GRIA3: variants seen among roughly 807,000 people sequenced by gnomAD.
GRIA3 encodes the protein glutamate receptor 3.
Under a neutral mutation model 63.0 loss-of-function variants are expected in GRIA3, and 3 were observed. The observed-to-expected ratio is 0.05, with a 90% CI of 0.02 to 0.12. The LOEUF is 0.12. Among genes scored for constraint, GRIA3 ranks in the 10% least tolerant of loss-of-function variants. The pLI is 1.00. For synonymous variants in GRIA3, 274 were observed against 257.9 expected (o/e 1.06, Z -0.60); for missense variants, 347 against 700.9 (o/e 0.50, Z 5.70).
chrX:123,409,052 C>A (rs1237258831), intron 10 of GRIA3, among the ~76,000 whole-genome samples: 1 of 111,486 alleles, frequency 9.0e-6, no homozygotes, highest in Non-Finnish European at 1.9e-5. Flanking sequence ...TTCTGGCAGG[C>A]CTGGCCTCTT....
intron 11 of GRIA3, among the ~76,000 whole-genome samples, chrX:123,421,138 T>G (rs1050960271): frequency 8.9e-6 from 1 of 111,966 alleles, no homozygotes; most frequent in African/African-American, 3.2e-5. Flanking sequence ...CAAATATTAT[T>G]CTTACTATAC....
rs1169204807 is a variant in GRIA3 at position 123,326,153 on chromosome X, G to A, written c.636G>A (p.Arg212=). ...FRRIIEEMDR[R]QEKRYLIDCE... ...GCATCATTGAAGAAATGGACAGGAG[G>A]CAGGAAAAGCGATACTTGATTGACT... Residue 212 remains arginine (R), a synonymous_variant, in exon 4 of 16, where the codon AGG becomes AGA. Transcript: ENST00000620443. The A allele has an allele frequency of 1.7e-6, 2 of 1,209,763 alleles. No homozygotes were observed. The highest frequency in any genetic ancestry group is 1.8e-5 in the South Asian group (1 of 56,935).
intron 2 of GRIA3, among the ~76,000 whole-genome samples, chrX:123,211,400 AAT>A (rs769798367): frequency 2.4e-4 from 27 of 111,650 alleles, no homozygotes; most frequent in Non-Finnish European, 5.1e-4. Context: ...GTATACAATA[AAT>A]ATATGTCAGT....
At chrX:123,486,031 G>A (rs2045938387) in intron 15 of GRIA3, among the ~76,000 whole-genome samples, 1 of 107,611 alleles carries the variant, frequency 9.3e-6, no homozygotes, top group South Asian at 4.3e-4. Context: ...GAAGAAAAGA[G>A]GGATAGAGAT....
intron 3 of GRIA3, among the ~76,000 whole-genome samples, chrX:123,299,590 CT>C (rs1385141940): frequency 3.6e-5 from 4 of 111,640 alleles, no homozygotes; most frequent in Non-Finnish European, 7.5e-5. Flanking sequence ...TATCCTGAGA[CT>C]TTGCTGAAGT....
intron 5 of GRIA3, among the ~76,000 whole-genome samples, chrX:123,391,299 A>AG (rs1450178497): frequency 9.1e-6 from 1 of 110,459 alleles, no homozygotes; most frequent in Non-Finnish European, 1.9e-5. Context: ...TTGCTTTTGT[A>AG]GGGGAGGACT....
In GRIA3 at chrX:123,394,900, C is replaced by G; in HGVS notation, c.751-68C>G. ...AGGAGCTTTCACATTATCCTTAGCA[C>G]TCTAACAGATATGGTGAGTAAGAAC... On this transcript the variant is annotated intron_variant, in intron 5 of 15. Coordinates refer to ENST00000620443, the MANE Select transcript of GRIA3 (RefSeq NM_007325.5). The G allele has an allele frequency of 5.0e-6, 4 of 793,462 alleles. No homozygotes were observed. The South Asian group carries it at 8.2e-5, about 16-fold the overall frequency. 65.4% of individuals were successfully genotyped at this position (793,462 alleles called of 1,213,427 possible). A position where few individuals can be genotyped will look rare whatever the true frequency, so the allele number is the denominator to read the frequency against.
chrX:123,481,789 G>T (rs923039963), intron 14 of GRIA3, among the ~76,000 whole-genome samples: 8 of 111,600 alleles, frequency 7.2e-5, no homozygotes, highest in Non-Finnish European at 1.3e-4. Context: ...TCTTTCCATT[G>T]TTCAGCAGTT....
chrX:123,443,755 T>C (rs1471832969), intron 12 of GRIA3, among the ~76,000 whole-genome samples: 1 of 111,488 alleles, frequency 9.0e-6, no homozygotes, highest in Non-Finnish European at 1.9e-5. Context: ...CCATAGATAT[T>C]AGTCAGCATG....
intron 3 of GRIA3, among the ~76,000 whole-genome samples, chrX:123,280,297 T>A (rs925309066): frequency 8.9e-6 from 1 of 112,371 alleles, no homozygotes; most frequent in Admixed American, 9.4e-5. Flanking sequence ...TTCACTATAG[T>A]CTCACTTTAT....
intron 2 of GRIA3, among the ~76,000 whole-genome samples, chrX:123,249,139 G>A (rs993338511): frequency 4.5e-5 from 5 of 111,972 alleles, no homozygotes; most frequent in Non-Finnish European, 9.4e-5. Context: ...CATAATTCTT[G>A]TGTGACCTTG....
chrX:123,202,798 T>C, intron 2 of GRIA3: 1 of 1,154,511 alleles, frequency 8.7e-7, no homozygotes, highest in Non-Finnish European at 1.2e-6. Context: ...TGCCCATAGT[T>C]TGAAATCAGC....
chrX:123,256,289 T>G, intron 3 of GRIA3, among the ~76,000 whole-genome samples: 1 of 111,762 alleles, frequency 8.9e-6, no homozygotes, highest in African/African-American at 3.3e-5. Context: ...TCCTGCTTTA[T>G]AAACCTACAT....
At chrX:123,220,842 A>C (rs147218964) in intron 2 of GRIA3, among the ~76,000 whole-genome samples, 1 of 111,812 alleles carries the variant, frequency 8.9e-6, no homozygotes, top group East Asian at 2.8e-4. Context: ...GTACCCTCCA[A>C]ATACATGAGG....
chrX:123,337,924 G>T (rs1603099815), intron 4 of GRIA3, among the ~76,000 whole-genome samples: 1 of 111,749 alleles, frequency 8.9e-6, no homozygotes, highest in East Asian at 2.8e-4. Flanking sequence ...TTTCTCAAAG[G>T]TGCAAAGGGG....
intron 5 of GRIA3, among the ~76,000 whole-genome samples, chrX:123,391,658 C>T (rs989795231): frequency 8.1e-5 from 9 of 111,719 alleles, no homozygotes; most frequent in East Asian, 5.6e-4. Flanking sequence ...ATGCCAGCAG[C>T]GGCAGTGGTG....
At chrX:123,255,952 G>C (rs952613100) in intron 3 of GRIA3, among the ~76,000 whole-genome samples, 3 of 110,727 alleles carry the variant, frequency 2.7e-5, no homozygotes, top group African/African-American at 9.9e-5. Flanking sequence ...TTCAAGACTT[G>C]GCATGAGTAT....
intron 2 of GRIA3, among the ~76,000 whole-genome samples, chrX:123,232,701 C>T (rs747170035): frequency 1.8e-5 from 2 of 111,247 alleles, no homozygotes; most frequent in South Asian, 7.5e-4. Context: ...TATATACCTA[C>T]TATGTACCCA....
chrX:123,268,573 T>G (rs2147292830), intron 3 of GRIA3, among the ~76,000 whole-genome samples: 1 of 110,995 alleles, frequency 9.0e-6, no homozygotes, highest in South Asian at 3.8e-4. Context: ...ATGATTTTTT[T>G]TATCCCACCA....
Sources: allele counts gnomAD v4.1 joint callset (sites outside exome capture counted in the v4.1 genomes callset), GRCh38; gene constraint gnomAD v4.1.1; transcripts MANE v1.5; gene names NCBI Gene and HGNC (gene_info 2026-07-23, HGNC 2026-07-21).